CDH9: variants seen among roughly 807,000 people sequenced by gnomAD.
The protein encoded by CDH9 is cadherin-9.
Under a neutral mutation model 70.9 loss-of-function variants are expected in CDH9, and 28 were observed. The observed-to-expected ratio is 0.40, with a 90% CI of 0.29 to 0.54. The LOEUF is 0.54. CDH9 is among the 20% of genes least tolerant of loss of function. The pLI is 0.59. For synonymous variants in CDH9, 409 were observed against 343.1 expected (o/e 1.19, Z -2.12); for missense variants, 874 against 984.4 (o/e 0.89, Z 1.50).
At chr5:26,975,359 G>C (rs10942226) in intron 2 of CDH9, among the ~76,000 whole-genome samples, 71,798 of 151,922 alleles carry the variant, frequency 0.47, 17,813 homozygotes, top group Non-Finnish European at 0.53. Context: ...TCAAAATATA[G>C]AAAGTCTTAT....
At chr5:27,026,256 G>C (rs1743219622) in intron 1 of CDH9, among the ~76,000 whole-genome samples, 1 of 151,918 alleles carries the variant, frequency 6.6e-6, no homozygotes, top group African/African-American at 2.4e-5. Flanking sequence ...TATAATTGCT[G>C]AGATAAGCAT....
At chr5:27,019,302 C>T (rs1743097100) in intron 1 of CDH9, among the ~76,000 whole-genome samples, 1 of 151,912 alleles carries the variant, frequency 6.6e-6, no homozygotes, top group Admixed American at 6.6e-5. Context: ...CATAGGTTAG[C>T]CAGACTATCT....
chr5:26,984,433 T>G (rs1742456237), intron 2 of CDH9, among the ~76,000 whole-genome samples: 1 of 152,152 alleles, frequency 6.6e-6, no homozygotes, highest in African/African-American at 2.4e-5. Flanking sequence ...GTCTGGGTAT[T>G]GGGTTTCTCT....
At chr5:26,996,015 G>A (rs1742659593) in intron 1 of CDH9, among the ~76,000 whole-genome samples, 1 of 151,882 alleles carries the variant, frequency 6.6e-6, no homozygotes, top group Admixed American at 6.6e-5. Flanking sequence ...CAAAAAAGGT[G>A]AATTACTGTA....
Position 26,885,975 on chromosome 5 carries a change from C to T in CDH9, c.1621G>A (p.Asp541Asn), listed in dbSNP as rs1256434713. Residue 541 changes from aspartate (D) to asparagine (N), a missense_variant, in exon 10 of 12, where the codon GAT (aspartate) becomes AAT (asparagine). Transcript: ENST00000231021. ...AGAAATTTTCTTATACCTTTATTATCTACAATGGTGAAATTCGGATTGAGA... is the reference window on the plus strand; with the variant it reads ...AGAAATTTTCTTATACCTTTATTATTTACAATGGTGAAATTCGGATTGAGA... Reference protein sequence around the residue: ...FTLNPNFTIVDNKDNTAGIMT... With the variant: ...FTLNPNFTIVNNKDNTAGIMT... 1 of 1,606,358 alleles carries T rather than the reference C, an allele frequency of 6.2e-7. No individual in the cohort carries two copies.
chr5:26,974,542 C>T (rs185688759), intron 2 of CDH9, among the ~76,000 whole-genome samples: 16 of 152,218 alleles, frequency 1.1e-4, no homozygotes, highest in African/African-American at 3.9e-4. Flanking sequence ...GTGTGCCAGG[C>T]ACTGAACTGG....
chr5:26,985,302 G>A (rs1467129507), intron 2 of CDH9, among the ~76,000 whole-genome samples: 1 of 151,774 alleles, frequency 6.6e-6, no homozygotes, highest in Admixed American at 6.6e-5. Flanking sequence ...CAAAATCTTA[G>A]AAAAGACCAG....
At chr5:26,916,244 A>T (rs1741147603) in intron 2 of CDH9, among the ~76,000 whole-genome samples, 2 of 152,050 alleles carry the variant, frequency 1.3e-5, no homozygotes, top group Non-Finnish European at 2.9e-5. Context: ...AAAATCCATT[A>T]ACCTACATCT....
intron 1 of CDH9, among the ~76,000 whole-genome samples, chr5:27,023,396 TTC>T (rs1183615230): frequency 3.9e-5 from 6 of 152,128 alleles, no homozygotes; most frequent in Non-Finnish European, 7.4e-5. Flanking sequence ...GTACTCATTT[TTC>T]TCTGTTTGTT....
chr5:27,009,768 G>T (rs138435700), intron 1 of CDH9, among the ~76,000 whole-genome samples: 204 of 152,172 alleles, frequency 1.3e-3, no homozygotes, highest in Non-Finnish European at 2.4e-3. Context: ...TCTTAAAAAC[G>T]AAATGCCTTA....
chr5:26,896,408 A>T (rs568968771), intron 7 of CDH9, among the ~76,000 whole-genome samples: 1 of 151,790 alleles, frequency 6.6e-6, no homozygotes, highest in East Asian at 1.9e-4. Flanking sequence ...AAGATTGTAT[A>T]TATCTCTAAT....
intron 6 of CDH9, 63 bp from the exon 7 acceptor site, chr5:26,902,792 T>A: frequency 2.0e-6 from 2 of 978,100 alleles, no homozygotes; most frequent in Non-Finnish European, 3.1e-6. Context: ...GAAAGACGAT[T>A]TCAAATTTTA....
chr5:26,882,423 T>C (rs1740483115), intron 11 of CDH9, among the ~76,000 whole-genome samples: 1 of 152,114 alleles, frequency 6.6e-6, no homozygotes, highest in Non-Finnish European at 1.5e-5. Flanking sequence ...CTATGTTACA[T>C]AGTTAACTGT....
intron 1 of CDH9, among the ~76,000 whole-genome samples, chr5:27,027,519 G>A (rs993599507): frequency 6.6e-6 from 1 of 151,990 alleles, no homozygotes; most frequent in African/African-American, 2.4e-5. Context: ...TGTAGTTACT[G>A]CTAATATCTT....
intron 1 of CDH9, among the ~76,000 whole-genome samples, chr5:27,035,292 G>T (rs2112140072): frequency 6.6e-6 from 1 of 151,116 alleles, no homozygotes; most frequent in Middle Eastern, 3.5e-3. Context: ...CTCTTCTAAA[G>T]TTCCAAAATT....
At chr5:26,908,931 G>A (rs1030961464) in intron 3 of CDH9, among the ~76,000 whole-genome samples, 2 of 152,054 alleles carry the variant, frequency 1.3e-5, no homozygotes, top group Non-Finnish European at 2.9e-5. Flanking sequence ...GTAATTAAAA[G>A]TTAAAAGCAT....
At chr5:26,971,415 C>T (rs530182497) in intron 2 of CDH9, among the ~76,000 whole-genome samples, 6 of 152,178 alleles carry the variant, frequency 3.9e-5, no homozygotes, top group Non-Finnish European at 7.4e-5. Context: ...CCAACTTTAG[C>T]GAAATACCTG....
chr5:26,921,471 G>A (rs1328953624), intron 2 of CDH9, among the ~76,000 whole-genome samples: 1 of 152,156 alleles, frequency 6.6e-6, no homozygotes, highest in Non-Finnish European at 1.5e-5. Context: ...AATAGTCACT[G>A]AGAATCCCAC....
intron 1 of CDH9, among the ~76,000 whole-genome samples, chr5:27,004,330 C>T (rs866650162): frequency 1.1e-4 from 16 of 151,870 alleles, no homozygotes; most frequent in East Asian, 7.7e-4. Flanking sequence ...TACAGCTGAG[C>T]GAATAAGGAG....
Sources: gnomAD v4.1 joint callset for allele counts (sites outside exome capture counted in the v4.1 genomes callset) on GRCh38, gnomAD v4.1.1 for gene constraint, MANE v1.5 for transcripts, NCBI Gene and HGNC (gene_info 2026-07-23, HGNC 2026-07-21) for gene names.